Variants in MAP3K15 observed in about 807,000 individuals in gnomAD.
MAP3K15 encodes MAPK/ERK kinase kinase 15.
A neutral mutation model predicts 99.5 loss-of-function variants in MAP3K15; 124 were observed. The ratio of observed to expected loss-of-function variants is 1.25; its 90% CI spans 1.08 to 1.45. The LOEUF (loss-of-function observed/expected upper bound fraction) is 1.45. Ranked by LOEUF, MAP3K15 falls within the 40% of genes most tolerant of loss-of-function variation. The pLI is 0.00. For synonymous variants in MAP3K15, 494 were observed against 439.6 expected, an observed-to-expected ratio of 1.12 and a Z score of -1.55; for missense variants, 1,242 against 1,079.7, an observed-to-expected ratio of 1.15 and a Z score of -2.11.
At chrX:19,420,896 GTAATCCAGCATA>G (rs2063778611) in intron 9 of MAP3K15, among the ~76,000 whole-genome samples, 1 of 111,609 alleles carries the variant, frequency 9.0e-6, no homozygotes, top group Non-Finnish European at 1.9e-5. Context: ...ATCAATAAAT[GTAATCCAGCATA>G]TAAACAGAAC....
chrX:19,483,150 C>T (rs995527594), intron 3 of MAP3K15, among the ~76,000 whole-genome samples: 2 of 106,968 alleles, frequency 1.9e-5, no homozygotes, highest in Non-Finnish European at 3.8e-5. Flanking sequence ...CCCAGGTACT[C>T]GGGAGGCTGA....
intron 9 of MAP3K15, among the ~76,000 whole-genome samples, chrX:19,418,853 T>A: frequency 8.9e-6 from 1 of 112,154 alleles, no homozygotes; most frequent in Middle Eastern, 4.6e-3. Flanking sequence ...GCAGAAACTC[T>A]ACAAGCCAGA....
At chrX:19,448,462 G>A (rs1185138962) in intron 6 of MAP3K15, among the ~76,000 whole-genome samples, 1 of 108,752 alleles carries the variant, frequency 9.2e-6, no homozygotes, top group Non-Finnish European at 1.9e-5. Flanking sequence ...CCAATTTTCT[G>A]GATGCCCAGT....
chrX:19,461,494 G>A (rs1417635261), intron 4 of MAP3K15, among the ~76,000 whole-genome samples: 3 of 112,626 alleles, frequency 2.7e-5, no homozygotes, highest in Non-Finnish European at 5.6e-5. Flanking sequence ...TTAAATTCAC[G>A]CTGGAATATC....
At chrX:19,433,605 C>T (rs888034317) in intron 6 of MAP3K15, among the ~76,000 whole-genome samples, 8 of 110,909 alleles carry the variant, frequency 7.2e-5, no homozygotes, top group Non-Finnish European at 1.5e-4. Context: ...TCACCTGAGG[C>T]AATTCTCATA....
At chrX:19,514,771 GGGACGA>G in intron 1 of MAP3K15, 124 bp downstream of exon 1, 1 of 80,309 alleles carries the variant, frequency 1.2e-5, no homozygotes, top group Middle Eastern at 3.7e-3. Flanking sequence ...GGAGGGGAGG[GGGACGA>G]GGGGGAGGGG....
At chrX:19,457,339 T>C (rs35099589) in intron 5 of MAP3K15, among the ~76,000 whole-genome samples, 283 of 111,967 alleles carry the variant, frequency 2.5e-3, no homozygotes, top group Non-Finnish European at 4.3e-3. Flanking sequence ...AGGCTGGGCG[T>C]GGTGGCTCAC....
chrX:19,445,185 A>G (rs2063986533), intron 6 of MAP3K15, among the ~76,000 whole-genome samples: 1 of 110,665 alleles, frequency 9.0e-6, no homozygotes, highest in African/African-American at 3.3e-5. Flanking sequence ...GAAACTTCCT[A>G]GGCTCATCTC....
chrX:19,436,521 T>C (rs751616173), intron 6 of MAP3K15, among the ~76,000 whole-genome samples: 37 of 111,407 alleles, frequency 3.3e-4, no homozygotes, highest in Non-Finnish European at 5.5e-4. Flanking sequence ...TGATCATCCA[T>C]TGCCATGACT....
At chrX:19,389,869 A>G (rs764567308) in intron 18 of MAP3K15, among the ~76,000 whole-genome samples, 1 of 112,374 alleles carries the variant, frequency 8.9e-6, no homozygotes, top group Admixed American at 9.5e-5. Flanking sequence ...GTAAAATGCT[A>G]AAAGAAAATG....
intron 25 of MAP3K15, among the ~76,000 whole-genome samples, chrX:19,366,489 G>C (rs1212414789): frequency 8.9e-6 from 1 of 111,818 alleles, no homozygotes; most frequent in Non-Finnish European, 1.9e-5. Context: ...TGTTGTGGGA[G>C]GGACCCAGTG....
chrX:19,427,100 A>G (rs1382291547), intron 7 of MAP3K15, among the ~76,000 whole-genome samples: 1 of 110,398 alleles, frequency 9.1e-6, no homozygotes, highest in Non-Finnish European at 1.9e-5. Context: ...CAGCCTCCCA[A>G]GCAGCTAGGA....
At chrX:19,361,442 G>C (rs1174006459) in intron 27 of MAP3K15, 27 bp from the exon 28 acceptor site, 8 of 1,183,077 alleles carry the variant, frequency 6.8e-6, no homozygotes, top group Non-Finnish European at 8.0e-6. Context: ...ATCCTTAAGA[G>C]CTGAGCAGCT....
chrX:19,440,960 C>A (rs1348919527), intron 6 of MAP3K15, among the ~76,000 whole-genome samples: 1 of 112,069 alleles, frequency 8.9e-6, no homozygotes, highest in Non-Finnish European at 1.9e-5. Context: ...CCTGAGCAGG[C>A]TCCTACAACC....
intron 13 of MAP3K15, among the ~76,000 whole-genome samples, chrX:19,402,956 G>A (rs899161701): frequency 1.8e-5 from 2 of 111,780 alleles, no homozygotes; most frequent in Admixed American, 9.5e-5. Flanking sequence ...GTGGGCCACC[G>A]TGCCCAGCTA....
At chrX:19,454,253 G>A (rs778719554) in intron 6 of MAP3K15, among the ~76,000 whole-genome samples, 3 of 111,734 alleles carry the variant, frequency 2.7e-5, no homozygotes, top group East Asian at 2.8e-4. Context: ...TCTATTTTGC[G>A]ACTGGCAAGT....
chrX:19,429,598 C>T (rs1401134862), intron 7 of MAP3K15, among the ~76,000 whole-genome samples: 1 of 109,624 alleles, frequency 9.1e-6, no homozygotes, highest in Non-Finnish European at 1.9e-5. Context: ...TGAGGTAGAA[C>T]AGGTGGACAA....
At chrX:19,380,397 A>T in intron 18 of MAP3K15, 120 bp from the exon 19 acceptor site, 2 of 688,967 alleles carry the variant, frequency 2.9e-6, no homozygotes, top group Non-Finnish European at 4.3e-6. Context: ...GGTGTTGGAG[A>T]CCAGCCTGGA....
chrX:19,412,297 T>C (rs1419709305), intron 11 of MAP3K15, among the ~76,000 whole-genome samples: 1 of 112,345 alleles, frequency 8.9e-6, no homozygotes, highest in African/African-American at 3.2e-5. Context: ...CAGGCATTTG[T>C]TCAGGAGTGG....
Sources: allele counts gnomAD v4.1 joint callset (sites outside exome capture counted in the v4.1 genomes callset), GRCh38; gene constraint gnomAD v4.1.1; transcripts MANE v1.5; gene names NCBI Gene and HGNC (gene_info 2026-07-23, HGNC 2026-07-21).